DOP1A: variants seen among roughly 807,000 people sequenced by gnomAD.
The protein encoded by DOP1A is DOP1 leucine zipper like protein A.
In DOP1A, 90 loss-of-function variants were observed where a neutral mutation model predicts 267.6. The observed-to-expected ratio is 0.34, with a 90% confidence interval of 0.28 to 0.40. DOP1A has a LOEUF of 0.40. Among genes scored for constraint, DOP1A ranks in the 10% least tolerant of loss-of-function variants. The probability of loss-of-function intolerance (pLI) is 1.00; values close to 1 mark genes in which losing one functional copy is unlikely to be tolerated. For missense variants in DOP1A, 2,437 were observed against 2,900.4 expected, an observed-to-expected ratio of 0.84 and a Z score of 3.67; for synonymous variants, 932 against 999.1, an observed-to-expected ratio of 0.93 and a Z score of 1.27.
rs370926699 is a variant in DOP1A, at chr6:83,078,756, G to GT, written c.-147+10981dup. ...TATCAGTATTTTGGAGGGTGCCTAT[G>GT]TTTTGTAGAGATTTTTTACAATAAT... is the stretch of plus-strand genomic sequence containing the variant. On this transcript the variant is annotated intron_variant, in intron 1 of 38. Coordinates refer to ENST00000349129, the MANE Select transcript of DOP1A (RefSeq NM_015018.4). Among the ~76,000 whole-genome samples the GT allele has an allele frequency of 6.2e-3, 951 of 152,258 alleles. 11 individuals are homozygous for GT. Among genetic ancestry groups the GT allele is most frequent in the African/African-American group, 0.022 (902 of 41,550 alleles).
rs895980827 is a variant in DOP1A, at chr6:83,073,623, A to G, written c.-147+5844A>G. On this transcript the variant is annotated intron_variant, in intron 1 of 38. Transcript: ENST00000349129. ...CTGTTGTTAAGTTATCTATTGCTACATGACAAATTATCTCAAAATGTAGTG... is the reference window on the plus strand; with the variant it reads ...CTGTTGTTAAGTTATCTATTGCTACGTGACAAATTATCTCAAAATGTAGTG... 3.3e-5 allele frequency among the ~76,000 whole-genome samples: 5 copies of G among 152,252 alleles called. No individual in the cohort carries two copies. The East Asian group carries it at 5.8e-4, about 18-fold the overall frequency.
At chr6:83,068,561 T>TA (rs1785085502) in intron 1 of DOP1A, among the ~76,000 whole-genome samples, 1 of 152,090 alleles carries the variant, frequency 6.6e-6, no homozygotes, top group African/African-American at 2.4e-5. Flanking sequence ...GCTAAAGCAG[T>TA]CAAAAAAAAT....
chr6:83,108,766 T>C (rs569675543), intron 4 of DOP1A, 144 bp from the exon 5 acceptor site: 103 of 690,104 alleles, frequency 1.5e-4, no homozygotes, highest in Non-Finnish European at 2.3e-4. Flanking sequence ...TTAATGGATG[T>C]AGTCATTCAT....
chr6:83,105,356 CTTT>C (rs70987733), intron 4 of DOP1A, among the ~76,000 whole-genome samples: 1,330 of 65,688 alleles, frequency 0.02, 2 homozygotes, highest in African/African-American at 0.025. Context: ...GGATGTCTTT[CTTT>C]TTTTTTTTTT....
intron 3 of DOP1A, 22 bp downstream of exon 3, chr6:83,097,137 C>A (rs1414463016): frequency 6.2e-7 from 1 of 1,600,544 alleles, no homozygotes; most frequent in Admixed American, 1.8e-5. Flanking sequence ...TTATCCATTT[C>A]ATAAAAGGAG....
intron 1 of DOP1A, among the ~76,000 whole-genome samples, chr6:83,078,602 G>A (rs1164225784): frequency 1.3e-5 from 2 of 152,286 alleles, no homozygotes; most frequent in East Asian, 1.9e-4. Context: ...AGTAATGAAG[G>A]AAAACAAGGA....
At chr6:83,078,292 G>A (rs12199857) in intron 1 of DOP1A, among the ~76,000 whole-genome samples, 14,329 of 152,136 alleles carry the variant, frequency 0.094, 872 homozygotes, top group East Asian at 0.16. Context: ...GCAGTAATAA[G>A]AGCACTTCTT....
chr6:83,141,775 A>ACGT, intron 23 of DOP1A, 146 bp from the exon 24 acceptor site: 1 of 658,526 alleles, frequency 1.5e-6, no homozygotes, highest in Non-Finnish European at 2.3e-6. Context: ...GTAGCTCTTA[A>ACGT]CGTTATTAAA....
rs1583020811 is a variant in DOP1A at position 83,124,227 on chromosome 6, T to C, written c.1341-478T>C. Among the ~76,000 whole-genome samples the C allele has an allele frequency of 3.3e-5, 5 of 152,256 alleles. 2 individuals are homozygous for C. In the South Asian group the frequency reaches 1.0e-3, roughly 32 times the overall value. ...GTGAATGTTTGTTGGAGGAATGATC[T>C]CTACTACTTGGATCAGAAGAGGCTT... is the stretch of plus-strand genomic sequence containing the variant. On this transcript the variant is annotated intron_variant, in intron 12 of 38. Coordinates refer to ENST00000349129, the MANE Select transcript of DOP1A (RefSeq NM_015018.4).
intron 5 of DOP1A, among the ~76,000 whole-genome samples, chr6:83,109,849 T>C (rs1461877810): frequency 6.6e-6 from 1 of 152,158 alleles, no homozygotes; most frequent in African/African-American, 2.4e-5. Context: ...GAGTGTTTTG[T>C]TGTTGTTGTT....
downstream of DOP1A, chr6:83,170,833 T>C (rs1786939473): frequency 5.8e-6 from 1 of 171,806 alleles, no homozygotes; most frequent in South Asian, 1.7e-4. Flanking sequence ...AAAAATAATC[T>C]GAACAATCAG....
chr6:83,162,045 T>G (rs1411097606), intron 37 of DOP1A, among the ~76,000 whole-genome samples: 1 of 152,094 alleles, frequency 6.6e-6, no homozygotes, highest in East Asian at 1.9e-4. Context: ...AAAATATATA[T>G]CCTACATGTA....
At chr6:83,153,661 G>T (rs1215866522) in intron 31 of DOP1A, 41 bp downstream of exon 31, 1 of 1,467,908 alleles carries the variant, frequency 6.8e-7, no homozygotes, top group South Asian at 1.3e-5. Context: ...TTAATTCATA[G>T]CCTGTTAGAA....
intron 10 of DOP1A, 72 bp from the exon 11 acceptor site, chr6:83,121,858 G>T: frequency 5.5e-6 from 8 of 1,442,730 alleles, no homozygotes; most frequent in South Asian, 2.9e-5. Context: ...TGTTTCATTG[G>T]GCCAATTTTC....
intron 3 of DOP1A, 27 bp from the exon 4 acceptor site, chr6:83,100,678 C>A: frequency 1.4e-6 from 2 of 1,407,770 alleles, no homozygotes; most frequent in Non-Finnish European, 1.9e-6. Context: ...TTGTTTTTCT[C>A]AACTACATTA....
At chr6:83,118,497 A>T (rs567213618) in intron 7 of DOP1A, among the ~76,000 whole-genome samples, 1 of 152,314 alleles carries the variant, frequency 6.6e-6, no homozygotes, top group Non-Finnish European at 1.5e-5. Context: ...GTGGATGAAG[A>T]TAGTAACCTT....
chr6:83,162,925 G>T lies in DOP1A; in HGVS notation c.7092+6G>T. On this transcript the variant is annotated splice_donor_region_variant and intron_variant, in intron 38 of 38. Coordinates refer to ENST00000349129, the MANE Select transcript of DOP1A (RefSeq NM_015018.4). ...TTCTTCGGAAAAGAGCAAAGGTATCGCATTCTTTTGTGATTGTTTTGTTTT... is the reference window on the plus strand; with the variant it reads ...TTCTTCGGAAAAGAGCAAAGGTATCTCATTCTTTTGTGATTGTTTTGTTTT... The T allele has an allele frequency of 6.2e-7, 1 of 1,607,594 alleles. No homozygotes were observed. Among genetic ancestry groups the T allele is most frequent in the Non-Finnish European group, 8.5e-7 (1 of 1,176,502 alleles).
intron 6 of DOP1A, among the ~76,000 whole-genome samples, chr6:83,111,967 G>C (rs868724597): frequency 2.6e-5 from 4 of 152,174 alleles, no homozygotes; most frequent in South Asian, 2.1e-4. Context: ...CAAGGTACCA[G>C]AGATTTAGTC....
intron 1 of DOP1A, among the ~76,000 whole-genome samples, chr6:83,083,314 A>G (rs1768477782): frequency 1.3e-5 from 2 of 151,988 alleles, no homozygotes; most frequent in South Asian, 4.1e-4. Context: ...TTTTTTAAGT[A>G]CAATTTCTAA....
Sources: allele counts gnomAD v4.1 joint callset (sites outside exome capture counted in the v4.1 genomes callset), GRCh38; gene constraint gnomAD v4.1.1; transcripts MANE v1.5; gene names NCBI Gene and HGNC (gene_info 2026-07-23, HGNC 2026-07-21).